The following CPAMD8 variants were observed in gnomAD, a reference collection of about 807,000 sequenced individuals.
CPAMD8 encodes C3 and PZP-like alpha-2-macroglobulin domain-containing protein 8.
Under a neutral mutation model 224.7 loss-of-function variants are expected in CPAMD8, and 146 were observed. The ratio of observed to expected loss-of-function variants is 0.65; its 90% CI spans 0.57 to 0.75. The LOEUF is 0.75. Among genes scored for constraint, CPAMD8 ranks in the 30% least tolerant of loss-of-function variants. The probability of loss-of-function intolerance (pLI) is 0.00; values close to 1 mark genes in which losing one functional copy is unlikely to be tolerated. For synonymous variants in CPAMD8, 966 were observed against 1,044.6 expected (o/e 0.92, Z 1.45); for missense variants, 2,301 against 2,537.5 (o/e 0.91, Z 2.00).
chr19:16,915,613 C>A, intron 27 of CPAMD8, among the ~76,000 whole-genome samples: 1 of 152,166 alleles, frequency 6.6e-6, no homozygotes, highest in East Asian at 1.9e-4. Context: ...TAAGAGCTGG[C>A]AAGGCCAGGG....
chr19:16,906,354 C>CT (rs1301499865), intron 30 of CPAMD8, among the ~76,000 whole-genome samples: 1 of 32,048 alleles, frequency 3.1e-5, no homozygotes, highest in African/African-American at 1.2e-4. Context: ...TTCTTTCTTT[C>CT]TTTCTTTCTT....
chr19:16,904,511 C>T lies in CPAMD8; in HGVS notation c.4069G>A (p.Asp1357Asn). 4 of 1,614,138 alleles carry T rather than the reference C, an allele frequency of 2.5e-6. No individual in the cohort carries two copies. The highest frequency in any genetic ancestry group is 1.1e-5 in the South Asian group (1 of 91,088). The change falls in exon 31 of 42, where the codon GAC becomes AAC. Residue 1357 changes from aspartate to asparagine, a missense_variant. By Grantham distance (23) the Asp-to-Asn change is conservative (BLOSUM62 1). This residue lies in a region of CPAMD8 where 1,709 missense variants were observed against 1,753.2 expected (regional missense o/e 0.97). Transcript: ENST00000443236. ...CTGAAGCTCAAGAATGTGCCCTTGT[C>T]CACGTCCCAGGAATTTGACAGGCTC... Reference protein sequence around the residue: ...HWSLSNSWDVDKGTFLSFSDR... With the variant: ...HWSLSNSWDVNKGTFLSFSDR...
intron 39 of CPAMD8, 35 bp downstream of exon 39, chr19:16,897,656 C>T: frequency 8.0e-7 from 1 of 1,256,104 alleles, no homozygotes; most frequent in Non-Finnish European, 1.1e-6. Context: ...TGTGGCAGGC[C>T]GCGGTGGGGG....
rs1022124471 is a variant in CPAMD8, at chr19:17,026,802, G to C, written c.-160C>G. ...GCGCCATGCGCCCCGCTCCGCGCCCGGCCAAGCTGGGGCAGCCCCGGGCCA... is the reference window on the plus strand; with the variant it reads ...GCGCCATGCGCCCCGCTCCGCGCCCCGCCAAGCTGGGGCAGCCCCGGGCCA... On this transcript the variant is annotated 5_prime_UTR_variant, in exon 1 of 42. Transcript: ENST00000443236. 1.8e-5 allele frequency: 19 copies of C among 1,080,500 alleles called. No homozygotes were observed. Among genetic ancestry groups the C allele is most frequent in the Admixed American group, 5.2e-5 (1 of 19,096 alleles). The allele number at this position is 1,080,500 out of a possible 1,614,324, so 66.9% of individuals were successfully genotyped here.
chr19:16,928,602 C>T (rs987267405), intron 24 of CPAMD8, among the ~76,000 whole-genome samples: 41 of 152,204 alleles, frequency 2.7e-4, no homozygotes, highest in Admixed American at 1.1e-3. Flanking sequence ...GTATTAGCTT[C>T]CTGTGTTGGG....
chr19:16,901,990 C>G (rs2052276825), intron 35 of CPAMD8, among the ~76,000 whole-genome samples: 1 of 152,088 alleles, frequency 6.6e-6, no homozygotes, highest in African/African-American at 2.4e-5. Context: ...GGCAACCACT[C>G]ACCCACCAAT....
At chr19:16,987,812 G>A (rs1027797629) in intron 13 of CPAMD8, among the ~76,000 whole-genome samples, 36 of 151,778 alleles carry the variant, frequency 2.4e-4, no homozygotes, top group Non-Finnish European at 1.3e-4. Flanking sequence ...CACCACATCC[G>A]GCTGGGGTTT....
intron 29 of CPAMD8, among the ~76,000 whole-genome samples, chr19:16,912,559 G>A (rs189921668): frequency 2.6e-4 from 39 of 152,292 alleles, no homozygotes; most frequent in Admixed American, 2.0e-3. Context: ...GACCAGCCTG[G>A]CCAACATGGT....
intron 10 of CPAMD8, among the ~76,000 whole-genome samples, chr19:16,998,753 C>T (rs1419841424): frequency 6.6e-6 from 1 of 152,152 alleles, no homozygotes; most frequent in Non-Finnish European, 1.5e-5. Context: ...ATAGTGCAGC[C>T]ACATTGACCA....
At chr19:17,017,532 T>A (rs1419986504) in intron 3 of CPAMD8, among the ~76,000 whole-genome samples, 1 of 152,140 alleles carries the variant, frequency 6.6e-6, no homozygotes, top group African/African-American at 2.4e-5. Flanking sequence ...CATCCTTCTT[T>A]GCTGTAAGGG....
chr19:17,007,970 G>C (rs532108623), intron 7 of CPAMD8, among the ~76,000 whole-genome samples: 1 of 152,298 alleles, frequency 6.6e-6, no homozygotes, highest in Non-Finnish European at 1.5e-5. Flanking sequence ...AGGAGTTGGA[G>C]ACCAGCCTGG....
Position 16,966,203 on chromosome 19 carries a change from C to G in CPAMD8, c.2213+4688G>C, listed in dbSNP as rs528614867. 1.3e-3 allele frequency among the ~76,000 whole-genome samples: 205 copies of G among 152,282 alleles called. 1 individual carries two copies. Among genetic ancestry groups the G allele is most frequent in the African/African-American group, 4.8e-3 (199 of 41,570 alleles). On this transcript the variant is annotated intron_variant, in intron 18 of 41. Coordinates refer to ENST00000443236, the MANE Select transcript of CPAMD8 (RefSeq NM_015692.5). ...AATAACACCACGCATCTACAACCAT[C>G]TGATCTTTGACAAACCTGACAAAAA... is the stretch of plus-strand genomic sequence containing the variant.
chr19:17,002,484 C>T lies in CPAMD8; in HGVS notation c.674-134G>A, dbSNP rs2056360283. 3 of 613,026 alleles carry T rather than the reference C, an allele frequency of 4.9e-6. No homozygotes were observed. In the East Asian group the frequency reaches 8.5e-5, roughly 17 times the overall value. 38.0% of individuals were successfully genotyped at this position (613,026 alleles called of 1,614,324 possible). On this transcript the variant is annotated intron_variant, in intron 8 of 41. Coordinates refer to ENST00000443236, the MANE Select transcript of CPAMD8 (RefSeq NM_015692.5). ...GAGGTTGACACTGTACCCATCCACACCACTCTGCTGAGCAGCCCTGGGGAT... is the reference window on the plus strand; with the variant it reads ...GAGGTTGACACTGTACCCATCCACATCACTCTGCTGAGCAGCCCTGGGGAT...
In CPAMD8 at chr19:16,893,316, G is replaced by A; in HGVS notation, c.5450C>T (p.Pro1817Leu). 2 of 1,541,654 alleles carry A rather than the reference G, an allele frequency of 1.3e-6. No homozygotes were observed. Among genetic ancestry groups the A allele is most frequent in the Non-Finnish European group, 1.8e-6 (2 of 1,142,058 alleles). ...EDRVTAGPRPPVSSGNLESST... is the reference protein window; with the variant it reads ...EDRVTAGPRPLVSSGNLESST... ...GCTTTCCAGGTTCCCGCTGCTCACA[G>A]GAGGCCGAGGCCCGGCTGTGACCCT... Residue 1817 changes from proline to leucine, a missense_variant, in exon 42 of 42, where the codon CCT becomes CTT. By Grantham distance (98) the Pro-to-Leu change is moderately conservative. This residue lies in a region of CPAMD8 where 1,709 missense variants were observed against 1,753.2 expected (regional missense o/e 0.97). Coordinates refer to ENST00000443236, the MANE Select transcript of CPAMD8 (RefSeq NM_015692.5).
chr19:16,906,374 CTTTCTTTCTTTCTTTCT>C (rs1568459366), intron 30 of CPAMD8, among the ~76,000 whole-genome samples: 3,779 of 93,588 alleles, frequency 0.04, 192 homozygotes, highest in Admixed American at 0.1. Context: ...TTCTTTCTTT[CTTTCTTTCTTTCTTTCT>C]TTCTTTCTTT....
At chr19:16,966,226 A>G (rs569654835) in intron 18 of CPAMD8, among the ~76,000 whole-genome samples, 2 of 152,352 alleles carry the variant, frequency 1.3e-5, no homozygotes, top group African/African-American at 4.8e-5. Flanking sequence ...AACCTGACAA[A>G]AACAAGAAAT....
At chr19:17,014,503 G>A (rs989156564) in intron 3 of CPAMD8, among the ~76,000 whole-genome samples, 4 of 152,142 alleles carry the variant, frequency 2.6e-5, no homozygotes, top group Non-Finnish European at 4.4e-5. Flanking sequence ...AGACATACCC[G>A]AGACTGGGTA....
intron 26 of CPAMD8, 64 bp downstream of exon 26, chr19:16,925,132 T>A (rs2053313517): frequency 6.4e-6 from 10 of 1,572,286 alleles, no homozygotes; most frequent in Non-Finnish European, 8.7e-6. Context: ...CGTGGTCTTC[T>A]CCACTGAAGG....
chr19:17,002,166 G>A (rs1380336344), intron 9 of CPAMD8, 100 bp downstream of exon 9: 1 of 757,894 alleles, frequency 1.3e-6, no homozygotes, highest in Non-Finnish European at 2.3e-6. Flanking sequence ...GTGGGAGGGA[G>A]GGAGGCAGCA....
Sources: allele counts gnomAD v4.1 joint callset (sites outside exome capture counted in the v4.1 genomes callset), GRCh38; gene constraint gnomAD v4.1.1; regional missense constraint gnomAD v4.1.1; transcripts MANE v1.5; gene names NCBI Gene and HGNC (gene_info 2026-07-23, HGNC 2026-07-21).